Variants in PDZRN3 observed in about 807,000 individuals in gnomAD.
The protein encoded by PDZRN3 is PDZ domain containing ring finger 3.
Under a neutral mutation model 85.7 loss-of-function variants are expected in PDZRN3, and 38 were observed. The observed-to-expected ratio is 0.44, with a 90% CI of 0.34 to 0.58. The LOEUF (loss-of-function observed/expected upper bound fraction) is 0.58. PDZRN3 is among the 20% of genes least tolerant of loss of function. PDZRN3 has a pLI of 0.01. For missense variants in PDZRN3, 1,629 were observed against 1,506.4 expected (o/e 1.08, Z -1.35); for synonymous variants, 759 against 638.0 (o/e 1.19, Z -2.86).
chr3:73,550,364 C>T (rs1361088088), intron 3 of PDZRN3, among the ~76,000 whole-genome samples: 1 of 152,194 alleles, frequency 6.6e-6, no homozygotes, highest in Non-Finnish European at 1.5e-5. Context: ...CACTCTAAGG[C>T]ACTGGTTCTC....
chr3:73,624,622 G>A lies in PDZRN3; in HGVS notation c.204C>T (p.Val68=), dbSNP rs1263417825. 6.4e-6 allele frequency: 10 copies of A among 1,557,522 alleles called. No homozygotes were observed. The African/African-American group carries it at 1.1e-4, about 18-fold the overall frequency. ...GRLSAKELNH[V]LPLKRLILKL... The stretch of plus-strand genomic sequence containing the variant: ...TGAGGATAAGGCGCTTGAGCGGCAG[G>A]ACGTGGTTGAGCTCTTTGGCCGACA... Residue 68 remains valine, a synonymous_variant, in exon 1 of 10, where the codon GTC becomes GTT. Coordinates refer to ENST00000263666, the MANE Select transcript of PDZRN3 (RefSeq NM_015009.3).
rs140996948 is a variant in PDZRN3 at position 73,442,553 on chromosome 3, A to T, written c.919-38158T>A. Among the ~76,000 whole-genome samples, 953 of 152,338 alleles carry T rather than the reference A, an allele frequency of 6.3e-3. 5 individuals are homozygous for T. The highest frequency in any genetic ancestry group is 0.022 in the African/African-American group (908 of 41,582). ...TTACGAGGAACACTAGGTGTTACAA[A>T]TCCTCGAGGGAGATGTGATGGCATT... is the stretch of plus-strand genomic sequence containing the variant. On this transcript the variant is annotated intron_variant, in intron 3 of 9. Coordinates refer to ENST00000263666, the MANE Select transcript of PDZRN3 (RefSeq NM_015009.3).
chr3:73,603,909 A>ACG (rs397948612), intron 2 of PDZRN3, among the ~76,000 whole-genome samples: 1 of 151,682 alleles, frequency 6.6e-6, no homozygotes, highest in Non-Finnish European at 1.5e-5. Context: ...ACACACACAC[A>ACG]GAGTAAAATG....
chr3:73,518,210 A>C (rs1456843303), intron 3 of PDZRN3, among the ~76,000 whole-genome samples: 1 of 152,240 alleles, frequency 6.6e-6, no homozygotes, highest in Non-Finnish European at 1.5e-5. Context: ...TATGACATGG[A>C]AGAATGTTGA....
At chr3:73,582,367 T>C (rs1316408446) in intron 3 of PDZRN3, among the ~76,000 whole-genome samples, 1 of 152,104 alleles carries the variant, frequency 6.6e-6, no homozygotes, top group Non-Finnish European at 1.5e-5. Context: ...AAATGAACTA[T>C]ACATTATAGT....
chr3:73,383,771 T>C lies in PDZRN3; in HGVS notation c.2795A>G (p.Tyr932Cys). 1 of 1,613,214 alleles carries C rather than the reference T, an allele frequency of 6.2e-7. No individual in the cohort carries two copies. The highest frequency in any genetic ancestry group is 8.5e-7 in the Non-Finnish European group (1 of 1,179,976). The change falls in exon 10 of 10, where the codon TAC (tyrosine) becomes TGC (cysteine). Residue 932 changes from tyrosine (Y) to cysteine (C), a missense_variant. By Grantham distance (194) the Tyr-to-Cys change is radical. Coordinates refer to ENST00000263666, the MANE Select transcript of PDZRN3 (RefSeq NM_015009.3). ...GTCCCGCACGGGCCTCTTGGTGATG[T>C]AGCGCGTCCCGTCGCTGCGGATCTT... ...KVKIRSDGTR[Y>C]ITKRPVRDRL...
At chr3:73,413,057 C>T (rs576344504) in intron 3 of PDZRN3, among the ~76,000 whole-genome samples, 14 of 152,268 alleles carry the variant, frequency 9.2e-5, no homozygotes, top group Non-Finnish European at 1.3e-4. Context: ...TAGGTGATAC[C>T]TGAATGATGT....
intron 3 of PDZRN3, among the ~76,000 whole-genome samples, chr3:73,455,449 G>A (rs1480937794): frequency 2.6e-5 from 4 of 152,238 alleles, no homozygotes; most frequent in South Asian, 2.1e-4. Flanking sequence ...GCTATGTCCC[G>A]ACTCCACACT....
chr3:73,489,836 T>C (rs1703737588), intron 3 of PDZRN3, among the ~76,000 whole-genome samples: 1 of 151,946 alleles, frequency 6.6e-6, no homozygotes, highest in Non-Finnish European at 1.5e-5. Flanking sequence ...CCTCCCAAAG[T>C]GCTGGGATTC....
rs532237804 is a variant in PDZRN3 at position 73,525,711 on chromosome 3, G to T, written c.918+76643C>A. Among the ~76,000 whole-genome samples, 8 of 152,252 alleles carry T rather than the reference G, an allele frequency of 5.3e-5. No individual in the cohort carries two copies. In the South Asian group the frequency reaches 1.7e-3, roughly 32 times the overall value. On this transcript the variant is annotated intron_variant, in intron 3 of 9. Transcript: ENST00000263666. Reference sequence around the variant, plus strand: ...TTTTCCCATGTCTAGGCTCACACATGGTGGTCCCCCTGCCAAGGCGAGGCA... The same window carrying T: ...TTTTCCCATGTCTAGGCTCACACATTGTGGTCCCCCTGCCAAGGCGAGGCA...
rs1456104567 is a variant in PDZRN3 at position 73,563,080 on chromosome 3, A to T, written c.918+39274T>A. Among the ~76,000 whole-genome samples, 4 of 132,070 alleles carry T rather than the reference A, an allele frequency of 3.0e-5. No individual in the cohort carries two copies. In the East Asian group the frequency reaches 9.4e-4, roughly 31 times the overall value. The allele number at this position is 132,070 out of a possible 152,430, so 86.6% of individuals were successfully genotyped here. A position where few individuals can be genotyped will look rare whatever the true frequency, so the allele number is the denominator to read the frequency against. ...GTTGCTCAGGCTGGAGTGCTGTGGC[A>T]CGATCTCTGCTCACTGCAAGCTCCG... On this transcript the variant is annotated intron_variant, in intron 3 of 9. Transcript: ENST00000263666.
At chr3:73,420,038 T>C (rs1690059520) in intron 3 of PDZRN3, among the ~76,000 whole-genome samples, 2 of 152,210 alleles carry the variant, frequency 1.3e-5, no homozygotes, top group Admixed American at 1.3e-4. Context: ...TCCAGGAATA[T>C]GTGTCAAACT....
At chr3:73,568,727 T>C (rs1215723235) in intron 3 of PDZRN3, among the ~76,000 whole-genome samples, 2 of 152,360 alleles carry the variant, frequency 1.3e-5, no homozygotes, top group Admixed American at 6.5e-5. Context: ...ACTCTTTTTA[T>C]AGCCCTACCT....
At chr3:73,543,636 T>C (rs1211033937) in intron 3 of PDZRN3, among the ~76,000 whole-genome samples, 2 of 152,212 alleles carry the variant, frequency 1.3e-5, no homozygotes, top group Non-Finnish European at 2.9e-5. Context: ...GCTGTAAACA[T>C]AGCTGGCACT....
At chr3:73,511,318 A>G (rs1293113352) in intron 3 of PDZRN3, among the ~76,000 whole-genome samples, 1 of 152,170 alleles carries the variant, frequency 6.6e-6, no homozygotes, top group African/African-American at 2.4e-5. Flanking sequence ...AGGAAGCGGG[A>G]CGACTCTCTT....
intron 1 of PDZRN3, among the ~76,000 whole-genome samples, chr3:73,610,475 G>GA (rs908920907): frequency 6.6e-6 from 1 of 152,148 alleles, no homozygotes; most frequent in Non-Finnish European, 1.5e-5. Context: ...AGAAAATCCA[G>GA]AATCAACCTA....
intron 3 of PDZRN3, among the ~76,000 whole-genome samples, chr3:73,476,033 G>A (rs1290107918): frequency 6.6e-6 from 1 of 152,176 alleles, no homozygotes; most frequent in Non-Finnish European, 1.5e-5. Context: ...GTTTTGGAAT[G>A]TGATTTAACA....
intron 3 of PDZRN3, among the ~76,000 whole-genome samples, chr3:73,548,949 G>T (rs1162599727): frequency 6.6e-6 from 1 of 152,162 alleles, no homozygotes; most frequent in Non-Finnish European, 1.5e-5. Context: ...AGAAAATGGT[G>T]CAGAAAATGG....
chr3:73,508,954 C>T (rs1704116024), intron 3 of PDZRN3, among the ~76,000 whole-genome samples: 2 of 152,180 alleles, frequency 1.3e-5, no homozygotes, highest in South Asian at 4.1e-4. Flanking sequence ...TTTATCCAGA[C>T]AGGCCTAAAA....
Sources: gnomAD v4.1 joint callset for allele counts (sites outside exome capture counted in the v4.1 genomes callset) on GRCh38, gnomAD v4.1.1 for gene constraint, MANE v1.5 for transcripts, NCBI Gene and HGNC (gene_info 2026-07-23, HGNC 2026-07-21) for gene names.